RPS6KC1: variants seen among roughly 807,000 people sequenced by gnomAD.
RPS6KC1 encodes the protein ribosomal protein S6 kinase C1, also known as inactive ribosomal protein S6 kinase delta-1.
RPS6KC1 carries 54 observed loss-of-function variants against 103.8 expected under a neutral mutation model. The ratio of observed to expected loss-of-function variants is 0.52; its 90% CI spans 0.42 to 0.65. The LOEUF (loss-of-function observed/expected upper bound fraction) is 0.65, where lower values mean the gene tolerates loss of function less well. RPS6KC1 is among the 30% of genes least tolerant of loss of function. The pLI is 0.00. For missense variants in RPS6KC1, 1,151 were observed against 1,253.8 expected, an observed-to-expected ratio of 0.92 and a Z score of 1.24; for synonymous variants, 439 against 438.7, an observed-to-expected ratio of 1.00 and a Z score of -0.01.
chr1:213,215,578 A>G (rs2093637455), intron 8 of RPS6KC1, among the ~76,000 whole-genome samples: 1 of 152,236 alleles, frequency 6.6e-6, no homozygotes, highest in Admixed American at 6.5e-5. Context: ...CATAATTGTC[A>G]GATTCACCAA....
chr1:213,086,595 T>C (rs1468009823), intron 3 of RPS6KC1, among the ~76,000 whole-genome samples: 3 of 152,226 alleles, frequency 2.0e-5, no homozygotes, highest in Non-Finnish European at 4.4e-5. Context: ...GGTAAATAGT[T>C]AATAATTCTT....
chr1:213,845,229 G>GT, the RPS6KC1 span, among the ~76,000 whole-genome samples: 1 of 152,142 alleles, frequency 6.6e-6, no homozygotes, highest in Admixed American at 6.5e-5. Flanking sequence ...CAAGTGATTG[G>GT]TTTTTTCAGG....
chr1:213,604,885 G>A, the RPS6KC1 span, among the ~76,000 whole-genome samples: 5 of 152,302 alleles, frequency 3.3e-5, no homozygotes, highest in East Asian at 9.6e-4. Context: ...GGGTGAGGGT[G>A]GGGGCAGTAG....
At chr1:213,799,426 C>T in the RPS6KC1 span, among the ~76,000 whole-genome samples, 2 of 152,156 alleles carry the variant, frequency 1.3e-5, no homozygotes, top group African/African-American at 4.8e-5. Flanking sequence ...ATCATCCCGA[C>T]CTGAGCTTCC....
At chr1:213,170,736 G>A (rs1448212125) in intron 7 of RPS6KC1, among the ~76,000 whole-genome samples, 1 of 152,134 alleles carries the variant, frequency 6.6e-6, no homozygotes, top group African/African-American at 2.4e-5. Context: ...TGTTAAGCCT[G>A]GCCCTTTTTG....
chr1:213,316,025 C>T, the RPS6KC1 span, among the ~76,000 whole-genome samples: 1 of 152,040 alleles, frequency 6.6e-6, no homozygotes, highest in African/African-American at 2.4e-5. Context: ...CTCTGTGTAC[C>T]CACACAAATC....
At chr1:213,267,789 T>A (rs1207306405) in intron 14 of RPS6KC1, among the ~76,000 whole-genome samples, 1 of 151,332 alleles carries the variant, frequency 6.6e-6, no homozygotes, top group Non-Finnish European at 1.5e-5. Flanking sequence ...CATGAAAAAT[T>A]CACTAGAAAA....
chr1:213,322,625 G>A, the RPS6KC1 span, among the ~76,000 whole-genome samples: 2 of 152,206 alleles, frequency 1.3e-5, no homozygotes, highest in Non-Finnish European at 2.9e-5. Flanking sequence ...GTGTTAGCAA[G>A]ATGGTGTTCT....
At chr1:213,695,400 G>A in the RPS6KC1 span, among the ~76,000 whole-genome samples, 1 of 152,194 alleles carries the variant, frequency 6.6e-6, no homozygotes, top group Non-Finnish European at 1.5e-5. Context: ...CACTGGAGGA[G>A]TGGTGGAGAG....
chr1:213,476,700 G>T, the RPS6KC1 span, among the ~76,000 whole-genome samples: 2 of 152,304 alleles, frequency 1.3e-5, no homozygotes, highest in Non-Finnish European at 2.9e-5. Context: ...TTTGCAGAGA[G>T]GACTTCTATG....
the RPS6KC1 span, among the ~76,000 whole-genome samples, chr1:213,524,830 G>A: frequency 3.5e-3 from 536 of 152,274 alleles, no homozygotes; most frequent in Non-Finnish European, 6.0e-3. Context: ...TCTACACAGG[G>A]CAAGATCTAA....
chr1:213,239,349 TTAAA>T (rs1232636411), intron 10 of RPS6KC1, among the ~76,000 whole-genome samples: 1 of 151,484 alleles, frequency 6.6e-6, no homozygotes, highest in Non-Finnish European at 1.5e-5. Flanking sequence ...AAAAAAAAAG[TTAAA>T]TAAATAAAAT....
chr1:213,721,727 C>T, the RPS6KC1 span, among the ~76,000 whole-genome samples: 1 of 152,174 alleles, frequency 6.6e-6, no homozygotes, highest in Non-Finnish European at 1.5e-5. Flanking sequence ...CCTACCACTG[C>T]ACACCCACCC....
the RPS6KC1 span, among the ~76,000 whole-genome samples, chr1:213,653,713 C>T: frequency 2.6e-5 from 4 of 152,130 alleles, no homozygotes; most frequent in African/African-American, 9.7e-5. Context: ...TCTGATTTTG[C>T]TTATGGTTGT....
chr1:213,138,443 A>C (rs61834117), intron 6 of RPS6KC1, among the ~76,000 whole-genome samples: 5,187 of 152,232 alleles, frequency 0.034, 122 homozygotes, highest in Middle Eastern at 0.055. Flanking sequence ...TGGTGTGCAG[A>C]TAATTTTGTC....
the RPS6KC1 span, among the ~76,000 whole-genome samples, chr1:213,793,104 A>C: frequency 6.6e-6 from 1 of 152,214 alleles, no homozygotes; most frequent in South Asian, 2.1e-4. Flanking sequence ...AAGAGAGATC[A>C]ATTCCCAATC....
chr1:213,205,142 T>C, intron 8 of RPS6KC1: 1 of 442,028 alleles, frequency 2.3e-6, no homozygotes, highest in Non-Finnish European at 3.0e-6. Context: ...CCTTGCTTAA[T>C]CCATTAAATT....
intron 12 of RPS6KC1, among the ~76,000 whole-genome samples, chr1:213,242,994 T>C (rs1230875972): frequency 2.6e-5 from 4 of 152,106 alleles, no homozygotes; most frequent in South Asian, 2.1e-4. Context: ...TGCATGATTT[T>C]TTTCTTTCTT....
At chr1:213,791,498 A>G in the RPS6KC1 span, among the ~76,000 whole-genome samples, 2 of 152,070 alleles carry the variant, frequency 1.3e-5, no homozygotes, top group Non-Finnish European at 2.9e-5. Flanking sequence ...GTCTGTTCCA[A>G]TGGGAGAAAT....
Sources: gnomAD v4.1 joint callset for allele counts (sites outside exome capture counted in the v4.1 genomes callset) on GRCh38, gnomAD v4.1.1 for gene constraint, MANE v1.5 for transcripts, NCBI Gene and HGNC (gene_info 2026-07-23, HGNC 2026-07-21) for gene names.